Variants in PRKN observed in about 807,000 individuals in gnomAD.
The protein encoded by PRKN is E3 ubiquitin-protein ligase parkin.
Under a neutral mutation model 59.5 loss-of-function variants are expected in PRKN, and 56 were observed. That is an observed-to-expected ratio of 0.94 (90% CI 0.76 to 1.18). The LOEUF is 1.18. Among genes scored for constraint, PRKN ranks in the 50% most tolerant of loss-of-function variants. PRKN has a pLI of 0.00. For synonymous variants in PRKN, 250 were observed against 222.1 expected, an observed-to-expected ratio of 1.13 and a Z score of -1.12; for missense variants, 657 against 596.4, an observed-to-expected ratio of 1.10 and a Z score of -1.06.
chr6:161,627,328 C>T (rs1054778411), intron 7 of PRKN, among the ~76,000 whole-genome samples: 4 of 152,114 alleles, frequency 2.6e-5, no homozygotes, highest in Non-Finnish European at 4.4e-5. Flanking sequence ...AACTAAAGTA[C>T]GTATTATTTT....
In PRKN at chr6:161,534,698, C is replaced by T. The variant is rs1291986908; in HGVS notation, c.1083+14156G>A. On this transcript the variant is annotated intron_variant, in intron 9 of 11. Coordinates refer to ENST00000366898, the MANE Select transcript of PRKN (RefSeq NM_004562.3). ...TGTTTCTTCAGCACAGTGGCTGTGACATCACCTCTGTGTGCCTGTAGCATC... is the reference window on the plus strand; with the variant it reads ...TGTTTCTTCAGCACAGTGGCTGTGATATCACCTCTGTGTGCCTGTAGCATC... 2.6e-5 allele frequency among the ~76,000 whole-genome samples: 4 copies of T among 152,260 alleles called. 1 individual carries two copies. The highest frequency in any genetic ancestry group is 5.9e-5 in the Non-Finnish European group (4 of 68,052).
At chr6:161,907,690 C>G (rs1778199588) in intron 6 of PRKN, among the ~76,000 whole-genome samples, 2 of 152,136 alleles carry the variant, frequency 1.3e-5, no homozygotes, top group African/African-American at 4.8e-5. Context: ...CCAGGATGGT[C>G]TGTAGAGTTC....
intron 7 of PRKN, among the ~76,000 whole-genome samples, chr6:161,704,991 T>C (rs556495952): frequency 6.6e-6 from 1 of 152,332 alleles, no homozygotes; most frequent in African/African-American, 2.4e-5. Flanking sequence ...GGGTTGAGAA[T>C]AGGCACTGGC....
chr6:161,900,103 T>A (rs1777829307), intron 6 of PRKN, among the ~76,000 whole-genome samples: 3 of 143,574 alleles, frequency 2.1e-5, no homozygotes. Context: ...AGAGTGAGAT[T>A]CTGACTCAAA....
In PRKN at chr6:161,757,871, C is replaced by CTCTCTCTCTG. The variant is rs1380898753; in HGVS notation, c.871+27900_871+27901insCAGAGAGAGA. 9.2e-5 allele frequency among the ~76,000 whole-genome samples: 9 copies of CTCTCTCTCTG among 97,982 alleles called. 1 individual carries two copies. Among genetic ancestry groups the CTCTCTCTCTG allele is most frequent in the African/African-American group, 3.6e-4 (8 of 22,358 alleles). 64.3% of individuals were successfully genotyped at this position (97,982 alleles called of 152,430 possible). ...TCTCTCTCTCTCTCTCTCTCTCTCT[C>CTCTCTCTCTG]TGTGTATATATATATACACACACAC... is the stretch of plus-strand genomic sequence containing the variant. On this transcript the variant is annotated intron_variant, in intron 7 of 11. Coordinates refer to ENST00000366898, the MANE Select transcript of PRKN (RefSeq NM_004562.3).
At chr6:162,302,069 AC>A (rs1562653182) in intron 2 of PRKN, among the ~76,000 whole-genome samples, 1 of 152,066 alleles carries the variant, frequency 6.6e-6, no homozygotes, top group African/African-American at 2.4e-5. Context: ...ACTACTTTTC[AC>A]TATTCCTGTC....
At chr6:162,206,210 A>G (rs930112062) in intron 3 of PRKN, among the ~76,000 whole-genome samples, 1 of 152,074 alleles carries the variant, frequency 6.6e-6, no homozygotes, top group Admixed American at 6.6e-5. Context: ...CATTTCCATC[A>G]CCACCTTTGA....
At chr6:161,896,808 T>G (rs752182293) in intron 6 of PRKN, among the ~76,000 whole-genome samples, 1 of 152,124 alleles carries the variant, frequency 6.6e-6, no homozygotes, top group Non-Finnish European at 1.5e-5. Flanking sequence ...GAAATTAAAT[T>G]TGGAACAATG....
At chr6:162,715,324 T>C (rs1172150308) in intron 1 of PRKN, among the ~76,000 whole-genome samples, 1 of 152,168 alleles carries the variant, frequency 6.6e-6, no homozygotes, top group East Asian at 1.9e-4. Context: ...ATTTATTAAG[T>C]ATGAGCACGC....
intron 6 of PRKN, among the ~76,000 whole-genome samples, chr6:161,905,259 C>G (rs1778097685): frequency 6.6e-6 from 1 of 152,234 alleles, no homozygotes; most frequent in African/African-American, 2.4e-5. Context: ...GTGACACTAA[C>G]TAACTACGTT....
intron 7 of PRKN, among the ~76,000 whole-genome samples, chr6:161,629,695 C>T (rs904621448): frequency 6.6e-6 from 1 of 152,140 alleles, no homozygotes; most frequent in Non-Finnish European, 1.5e-5. Flanking sequence ...CGCACTCTCG[C>T]TCTGCCTGCC....
chr6:162,510,390 C>A (rs543805744), intron 1 of PRKN, among the ~76,000 whole-genome samples: 1 of 152,120 alleles, frequency 6.6e-6, no homozygotes, highest in African/African-American at 2.4e-5. Context: ...TGCTTTCTCA[C>A]GTGTGAGAGG....
chr6:161,714,050 A>C (rs1314473177), intron 7 of PRKN, among the ~76,000 whole-genome samples: 1 of 152,142 alleles, frequency 6.6e-6, no homozygotes, highest in African/African-American at 2.4e-5. Flanking sequence ...TTTTCTTTAT[A>C]AATTATCCAG....
At chr6:161,705,953 A>G (rs901215800) in intron 7 of PRKN, among the ~76,000 whole-genome samples, 2 of 151,838 alleles carry the variant, frequency 1.3e-5, no homozygotes, top group African/African-American at 2.4e-5. Flanking sequence ...TGACCACCAC[A>G]CTAATCATAT....
At chr6:161,835,370 AC>A (rs1055060769) in intron 6 of PRKN, among the ~76,000 whole-genome samples, 3 of 151,538 alleles carry the variant, frequency 2.0e-5, no homozygotes, top group African/African-American at 4.9e-5. Flanking sequence ...CCCACTCCAC[AC>A]CCCCTGGGAA....
intron 1 of PRKN, among the ~76,000 whole-genome samples, chr6:162,672,960 AGT>A (rs1449612756): frequency 1.3e-5 from 2 of 152,228 alleles, no homozygotes; most frequent in African/African-American, 4.8e-5. Context: ...GGATGTGGAC[AGT>A]GGTCTAGCAA....
chr6:161,710,462 T>C (rs753825392), intron 7 of PRKN, among the ~76,000 whole-genome samples: 19 of 152,090 alleles, frequency 1.2e-4, no homozygotes, highest in Non-Finnish European at 1.6e-4. Context: ...TTGTATGTTT[T>C]TTCTTCTTCT....
At chr6:161,511,384 C>T (rs1047783857) in intron 9 of PRKN, among the ~76,000 whole-genome samples, 2 of 152,046 alleles carry the variant, frequency 1.3e-5, no homozygotes, top group Non-Finnish European at 2.9e-5. Flanking sequence ...TTTTCCCTTC[C>T]AATAGAATAT....
intron 3 of PRKN, among the ~76,000 whole-genome samples, chr6:162,213,850 CACACACACAT>C (rs1381151941): frequency 6.8e-5 from 7 of 102,452 alleles, no homozygotes; most frequent in East Asian, 9.9e-4. Context: ...CACACACACA[CACACACACAT>C]ATGAATAGTA....
Sources: gnomAD v4.1 joint callset for allele counts (sites outside exome capture counted in the v4.1 genomes callset) on GRCh38, gnomAD v4.1.1 for gene constraint, MANE v1.5 for transcripts, NCBI Gene and HGNC (gene_info 2026-07-23, HGNC 2026-07-21) for gene names.